RANBP2: variants seen among roughly 807,000 people sequenced by gnomAD.
RANBP2 encodes E3 SUMO-protein ligase RanBP2.
A neutral mutation model predicts 303.6 loss-of-function variants in RANBP2; 57 were observed. The observed-to-expected ratio is 0.19, with a 90% confidence interval of 0.15 to 0.23. The LOEUF is 0.23. RANBP2 is among the 10% of genes least tolerant of loss of function. RANBP2 has a pLI of 1.00. For synonymous variants in RANBP2, 1,167 were observed against 1,301.5 expected (o/e 0.90, Z 2.23); for missense variants, 3,138 against 3,780.8 (o/e 0.83, Z 4.46).
the RANBP2 span, among the ~76,000 whole-genome samples, chr2:109,152,182 G>A: frequency 2.2e-3 from 338 of 152,276 alleles, 1 homozygote; most frequent in Middle Eastern, 6.8e-3. Context: ...AGTGCTCAGC[G>A]TCTTAGAAAT....
At chr2:109,203,156 ACTCATTGAGTGACATC>A in the RANBP2 span, among the ~76,000 whole-genome samples, 7,351 of 152,162 alleles carry the variant, frequency 0.048, 563 homozygotes, top group African/African-American at 0.17. Context: ...AGCACTGTCC[ACTCATTGAGTGACATC>A]CTCATTGAGG....
the RANBP2 span, among the ~76,000 whole-genome samples, chr2:109,298,630 GCTC>G: frequency 6.6e-6 from 1 of 152,092 alleles, no homozygotes; most frequent in Admixed American, 6.5e-5. Context: ...TCAGTCAAAT[GCTC>G]CTCGGAGCAC....
chr2:109,182,711 A>G, the RANBP2 span, among the ~76,000 whole-genome samples: 1 of 152,186 alleles, frequency 6.6e-6, no homozygotes, highest in Admixed American at 6.5e-5. Flanking sequence ...GATATCAACT[A>G]CTGCAGTGGT....
chr2:108,936,466 A>G, the RANBP2 span, among the ~76,000 whole-genome samples: 28 of 87,398 alleles, frequency 3.2e-4, no homozygotes, highest in Admixed American at 2.6e-3. Context: ...GGAGGCAGCC[A>G]CAGAGCTGGC....
the RANBP2 span, among the ~76,000 whole-genome samples, chr2:108,997,285 C>T: frequency 1.3e-5 from 2 of 151,578 alleles, no homozygotes; most frequent in African/African-American, 2.4e-5. Context: ...ACTAAAAATA[C>T]AAAAAATTAG....
the RANBP2 span, among the ~76,000 whole-genome samples, chr2:109,690,806 C>T: frequency 1.3e-5 from 2 of 152,240 alleles, no homozygotes; most frequent in East Asian, 3.9e-4. Context: ...TCTGCTAAGC[C>T]TAGGCCTACC....
At chr2:109,514,694 C>T in the RANBP2 span, among the ~76,000 whole-genome samples, 29 of 152,302 alleles carry the variant, frequency 1.9e-4, no homozygotes, top group Non-Finnish European at 2.9e-4. Flanking sequence ...TTTTCCTTCC[C>T]CTCATTTTTC....
At chr2:109,714,964 T>A in the RANBP2 span, among the ~76,000 whole-genome samples, 1 of 16,228 alleles carries the variant, frequency 6.2e-5, no homozygotes, top group African/African-American at 2.6e-4. Context: ...AGGTTTTTTT[T>A]GGGGGGGTGG....
the RANBP2 span, among the ~76,000 whole-genome samples, chr2:109,205,993 T>G: frequency 6.6e-6 from 1 of 152,196 alleles, no homozygotes; most frequent in Admixed American, 6.5e-5. Context: ...CAAAAGTGTT[T>G]CAAGGCCAAG....
At chr2:109,070,158 G>A in the RANBP2 span, among the ~76,000 whole-genome samples, 7 of 152,144 alleles carry the variant, frequency 4.6e-5, no homozygotes, top group African/African-American at 1.7e-4. Context: ...TGTGCTAAGG[G>A]CCTGGAGCAG....
the RANBP2 span, among the ~76,000 whole-genome samples, chr2:108,942,130 G>A: frequency 6.6e-6 from 1 of 152,232 alleles, no homozygotes; most frequent in African/African-American, 2.4e-5. Flanking sequence ...TCAGCCTGCT[G>A]AGCATATTCG....
the RANBP2 span, among the ~76,000 whole-genome samples, chr2:109,596,206 A>T: frequency 1.3e-5 from 2 of 152,192 alleles, no homozygotes; most frequent in Admixed American, 1.3e-4. Flanking sequence ...TGAAAATCAA[A>T]CTTTAAAAAT....
At chr2:108,835,361 TAAAA>T in the RANBP2 span, among the ~76,000 whole-genome samples, 1 of 152,050 alleles carries the variant, frequency 6.6e-6, no homozygotes, top group Non-Finnish European at 1.5e-5. Context: ...GCTCAAAAAT[TAAAA>T]AAAATTCATT....
the RANBP2 span, among the ~76,000 whole-genome samples, chr2:108,810,658 A>G: frequency 6.6e-6 from 1 of 152,160 alleles, no homozygotes; most frequent in Non-Finnish European, 1.5e-5. Context: ...GTATCATGGT[A>G]GTGCTGGCTT....
the RANBP2 span, among the ~76,000 whole-genome samples, chr2:109,489,987 C>G: frequency 0.011 from 1,668 of 152,294 alleles, 39 homozygotes; most frequent in African/African-American, 0.038. Flanking sequence ...ATCTGCCCAC[C>G]TTGGCCTCCC....
chr2:109,176,174 C>T, the RANBP2 span, among the ~76,000 whole-genome samples: 1 of 152,116 alleles, frequency 6.6e-6, no homozygotes, highest in African/African-American at 2.4e-5. Context: ...GGGTAATAAC[C>T]AACATACAAC....
chr2:109,717,223 T>C, the RANBP2 span, among the ~76,000 whole-genome samples: 10 of 150,118 alleles, frequency 6.7e-5, no homozygotes, highest in African/African-American at 2.4e-4. Flanking sequence ...TCAAATGTAT[T>C]TCAATATGCT....
chr2:109,473,831 C>T, the RANBP2 span, among the ~76,000 whole-genome samples: 2 of 151,732 alleles, frequency 1.3e-5, no homozygotes, highest in Non-Finnish European at 2.9e-5. Context: ...CGCAGGCTGT[C>T]TCTTTTTTGG....
At position 108,764,617 on chromosome 2, in the gene RANBP2, A is replaced by C; in HGVS notation, c.4078A>C (p.Ser1360Arg). The C allele has an allele frequency of 6.2e-7, 1 of 1,614,116 alleles. No individual in the cohort carries two copies. ...AGAAGGGTCTTGGTGGCATTGTAAC[A>C]GCTGCTCATTAAAGAATGCTTCAAC... ...KKEGSWWHCN[S>R]CSLKNASTAK... The change falls in exon 20 of 29, where the codon AGC becomes CGC. Residue 1360 changes from serine to arginine, a missense_variant. Coordinates refer to ENST00000283195, the MANE Select transcript of RANBP2 (RefSeq NM_006267.5).
Sources: gnomAD v4.1 joint callset for allele counts (sites outside exome capture counted in the v4.1 genomes callset) on GRCh38, gnomAD v4.1.1 for gene constraint, MANE v1.5 for transcripts, NCBI Gene and HGNC (gene_info 2026-07-23, HGNC 2026-07-21) for gene names.